PLCL2: variants seen among roughly 807,000 people sequenced by gnomAD.
PLCL2 encodes the protein phospholipase C like 2, also known as inactive phospholipase C-like protein 2.
In PLCL2, 4 loss-of-function variants were observed where a neutral mutation model predicts 79.6. That is an observed-to-expected ratio of 0.05 (90% CI 0.02 to 0.11). PLCL2 has a LOEUF of 0.11. Among genes scored for constraint, PLCL2 ranks in the 10% least tolerant of loss-of-function variants. The pLI is 1.00. For missense variants in PLCL2, 895 were observed against 1,291.0 expected, an observed-to-expected ratio of 0.69 and a Z score of 4.70; for synonymous variants, 484 against 457.7, an observed-to-expected ratio of 1.06 and a Z score of -0.73.
At chr3:17,037,822 C>T (rs1412418353) in intron 3 of PLCL2, among the ~76,000 whole-genome samples, 1 of 152,164 alleles carries the variant, frequency 6.6e-6, no homozygotes, top group Non-Finnish European at 1.5e-5. Flanking sequence ...TATAAAACCA[C>T]AGACTTGCTT....
At chr3:16,960,010 C>A (rs1416842839) in intron 1 of PLCL2, among the ~76,000 whole-genome samples, 1 of 152,132 alleles carries the variant, frequency 6.6e-6, no homozygotes. Context: ...GAGGCTGAGG[C>A]AGGAGAATGG....
intron 5 of PLCL2, among the ~76,000 whole-genome samples, chr3:17,075,571 A>T (rs531935163): frequency 2.7e-4 from 40 of 148,884 alleles, no homozygotes; most frequent in African/African-American, 9.7e-4. Context: ...AAAATGCAGT[A>T]TCTGTGAAGT....
intron 1 of PLCL2, among the ~76,000 whole-genome samples, chr3:16,994,449 T>C (rs1201744494): frequency 6.6e-6 from 1 of 152,194 alleles, no homozygotes; most frequent in Non-Finnish European, 1.5e-5. Flanking sequence ...ATACAAAGAC[T>C]GTGAGCATGT....
At chr3:17,056,557 G>A (rs907725932) in intron 4 of PLCL2, among the ~76,000 whole-genome samples, 8 of 152,102 alleles carry the variant, frequency 5.3e-5, no homozygotes, top group Non-Finnish European at 8.8e-5. Flanking sequence ...TAATAATAAG[G>A]AATATAAAGC....
chr3:16,969,365 C>T (rs1325350349), intron 1 of PLCL2, among the ~76,000 whole-genome samples: 3 of 152,110 alleles, frequency 2.0e-5, no homozygotes, highest in African/African-American at 7.2e-5. Flanking sequence ...GTGAATCTCT[C>T]TGGTCCTGGG....
chr3:17,081,388 A>C, intron 5 of PLCL2: 1 of 373,104 alleles, frequency 2.7e-6, no homozygotes, highest in Non-Finnish European at 5.4e-6. Context: ...AGGGCAGGGG[A>C]AGTCTTAGCT....
chr3:17,031,589 A>G (rs751062779), intron 3 of PLCL2, among the ~76,000 whole-genome samples: 1 of 152,178 alleles, frequency 6.6e-6, no homozygotes, highest in Non-Finnish European at 1.5e-5. Context: ...TGAGGTGACC[A>G]TGGTGCAAAG....
chr3:17,028,680 G>T (rs571258605), intron 3 of PLCL2, among the ~76,000 whole-genome samples: 7 of 151,836 alleles, frequency 4.6e-5, no homozygotes, highest in Admixed American at 2.0e-4. Context: ...GTGGGGTTTT[G>T]CCATGTTGCT....
At chr3:16,922,926 C>A (rs1449479699) in intron 1 of PLCL2, among the ~76,000 whole-genome samples, 2 of 151,934 alleles carry the variant, frequency 1.3e-5, no homozygotes, top group Non-Finnish European at 2.9e-5. Context: ...CTTGATTTCC[C>A]TATCAATACT....
chr3:17,064,562 C>T (rs1280058716), intron 4 of PLCL2, among the ~76,000 whole-genome samples: 3 of 152,044 alleles, frequency 2.0e-5, no homozygotes, highest in Non-Finnish European at 4.4e-5. Context: ...CCCTGGCGCT[C>T]GCATGTCACA....
intron 1 of PLCL2, among the ~76,000 whole-genome samples, chr3:16,910,030 A>G (rs980612499): frequency 1.3e-5 from 2 of 152,032 alleles, no homozygotes; most frequent in Admixed American, 6.6e-5. Flanking sequence ...AAAGATCTCA[A>G]TCCTTCTTCC....
In PLCL2 at chr3:17,083,894, T is replaced by C. The variant is rs535920932; in HGVS notation, c.3205-5839T>C. Among the ~76,000 whole-genome samples, 8 of 152,292 alleles carry C rather than the reference T, an allele frequency of 5.3e-5. 1 individual carries two copies. The South Asian group carries it at 1.7e-3, about 32-fold the overall frequency. On this transcript the variant is annotated intron_variant, in intron 5 of 5. Transcript: ENST00000615277. ...GGACATGTGATGTCCAAAAGAATGA[T>C]GCCTAGATAGGCATTTTGGTAGGTA...
At chr3:17,008,554 C>T (rs79918074) in intron 1 of PLCL2, among the ~76,000 whole-genome samples, 1,526 of 152,060 alleles carry the variant, frequency 0.01, 30 homozygotes, top group African/African-American at 0.035. Context: ...TTCCATGGGC[C>T]TAGCAATCTG....
chr3:16,992,181 G>A (rs117383514), intron 1 of PLCL2, among the ~76,000 whole-genome samples: 1,640 of 152,304 alleles, frequency 0.011, 30 homozygotes, highest in Admixed American at 0.046. Flanking sequence ...TATGAACAGG[G>A]CAGAGGGATT....
chr3:16,963,913 T>A (rs1186527255), intron 1 of PLCL2, among the ~76,000 whole-genome samples: 1 of 152,154 alleles, frequency 6.6e-6, no homozygotes, highest in Non-Finnish European at 1.5e-5. Flanking sequence ...TGGTTTACTT[T>A]CTTATACCTG....
intron 1 of PLCL2, among the ~76,000 whole-genome samples, chr3:16,889,818 A>G (rs757343053): frequency 6.6e-6 from 1 of 152,216 alleles, no homozygotes; most frequent in Non-Finnish European, 1.5e-5. Flanking sequence ...ACAAACACTC[A>G]GTAACCATTT....
chr3:17,020,868 G>A (rs1446355649), intron 3 of PLCL2, among the ~76,000 whole-genome samples: 1 of 152,132 alleles, frequency 6.6e-6, no homozygotes, highest in Admixed American at 6.5e-5. Flanking sequence ...AACATTCTGG[G>A]TTAAGTTGTT....
chr3:17,027,357 C>T (rs1307740512), intron 3 of PLCL2, among the ~76,000 whole-genome samples: 1 of 152,202 alleles, frequency 6.6e-6, no homozygotes, highest in Non-Finnish European at 1.5e-5. Flanking sequence ...TCAAATTTTG[C>T]TCTCCATAAA....
At chr3:17,061,841 A>G (rs1417650748) in intron 4 of PLCL2, among the ~76,000 whole-genome samples, 1 of 152,218 alleles carries the variant, frequency 6.6e-6, no homozygotes, top group Non-Finnish European at 1.5e-5. Flanking sequence ...TTGTTCACAC[A>G]GCCTATATCT....
Sources: gnomAD v4.1 joint callset for allele counts (sites outside exome capture counted in the v4.1 genomes callset) on GRCh38, gnomAD v4.1.1 for gene constraint, MANE v1.5 for transcripts, NCBI Gene and HGNC (gene_info 2026-07-23, HGNC 2026-07-21) for gene names.